EPB41L2: variants seen among roughly 807,000 people sequenced by gnomAD.
EPB41L2 encodes erythrocyte membrane protein band 4.1 like 2.
Under a neutral mutation model 113.0 loss-of-function variants are expected in EPB41L2, and 43 were observed. The ratio of observed to expected loss-of-function variants is 0.38; its 90% CI spans 0.30 to 0.49. EPB41L2 has a LOEUF of 0.49. Among genes scored for constraint, EPB41L2 ranks in the 20% least tolerant of loss-of-function variants. The probability of loss-of-function intolerance (pLI) is 0.95; values close to 1 mark genes in which losing one functional copy is unlikely to be tolerated. For synonymous variants in EPB41L2, 442 were observed against 436.7 expected (o/e 1.01, Z -0.15); for missense variants, 1,147 against 1,223.4 (o/e 0.94, Z 0.93).
chr6:131,039,471 A>C (rs951051660), intron 1 of EPB41L2, among the ~76,000 whole-genome samples: 1 of 152,212 alleles, frequency 6.6e-6, no homozygotes, highest in African/African-American at 2.4e-5. Context: ...ATAGGTAGTA[A>C]AAGATCACAG....
At chr6:130,863,518 G>A (rs745923254) in intron 18 of EPB41L2, 120 bp downstream of exon 18, 2 of 658,754 alleles carry the variant, frequency 3.0e-6, no homozygotes, top group Non-Finnish European at 5.4e-6. Flanking sequence ...TGCTTAGGAG[G>A]TGGACTTCAT....
intron 3 of EPB41L2, among the ~76,000 whole-genome samples, chr6:130,930,128 A>G (rs1325575366): frequency 6.6e-6 from 1 of 152,180 alleles, no homozygotes; most frequent in African/African-American, 2.4e-5. Flanking sequence ...ACCTATTTGT[A>G]TAACAGACAC....
At chr6:131,049,603 TC>T (rs1367132543) in intron 1 of EPB41L2, among the ~76,000 whole-genome samples, 11 of 152,130 alleles carry the variant, frequency 7.2e-5, no homozygotes, top group Non-Finnish European at 1.6e-4. Flanking sequence ...ATAAAAATGG[TC>T]CCCAAAAGCG....
intron 3 of EPB41L2, among the ~76,000 whole-genome samples, chr6:130,943,010 G>A (rs1369358484): frequency 6.6e-6 from 1 of 152,102 alleles, no homozygotes; most frequent in Non-Finnish European, 1.5e-5. Context: ...TGGGCATTTG[G>A]GTTGGTTCCA....
At chr6:130,845,333 C>T (rs1201791620) in intron 19 of EPB41L2, among the ~76,000 whole-genome samples, 1 of 152,084 alleles carries the variant, frequency 6.6e-6, no homozygotes, top group East Asian at 1.9e-4. Flanking sequence ...GGCAGCTCAG[C>T]CTACATAAGT....
intron 11 of EPB41L2, among the ~76,000 whole-genome samples, chr6:130,888,343 C>T (rs2128476628): frequency 6.6e-6 from 1 of 152,218 alleles, no homozygotes; most frequent in South Asian, 2.1e-4. Flanking sequence ...ATTACGGCCT[C>T]CAAAACACAA....
At chr6:131,048,151 A>G (rs866933759) in intron 1 of EPB41L2, among the ~76,000 whole-genome samples, 2 of 134,440 alleles carry the variant, frequency 1.5e-5, no homozygotes, top group African/African-American at 2.6e-5. Context: ...AAAAAAAAAA[A>G]AAAAAAGAAA....
intron 19 of EPB41L2, among the ~76,000 whole-genome samples, chr6:130,853,827 T>C (rs2128414999): frequency 6.6e-6 from 1 of 152,356 alleles, no homozygotes; most frequent in Non-Finnish European, 1.5e-5. Context: ...CCCCTTCTTT[T>C]TTGACATTCC....
rs9321269 is a variant in EPB41L2, at chr6:131,023,739, C to A, written c.-15+39416G>T. On this transcript the variant is annotated intron_variant, in intron 1 of 19. Coordinates refer to ENST00000337057, the MANE Select transcript of EPB41L2 (RefSeq NM_001431.4). ...CGTGTGTGTGTGTGTGTATATATAT[C>A]TATATATCTATATATAGATATATAG... Among the ~76,000 whole-genome samples, 132 of 138,824 alleles carry A rather than the reference C, an allele frequency of 9.5e-4. 2 individuals are homozygous for A. The highest frequency in any genetic ancestry group is 1.8e-3 in the Non-Finnish European group (116 of 63,680). The allele number at this position is 138,824 out of a possible 152,430, so 91.1% of individuals were successfully genotyped here.
At chr6:130,926,753 C>A in intron 3 of EPB41L2, 44 bp from the exon 4 acceptor site, 1 of 1,191,530 alleles carries the variant, frequency 8.4e-7, no homozygotes, top group Non-Finnish European at 1.2e-6. Context: ...ACTAAAGATT[C>A]CAAGACTGCT....
intron 18 of EPB41L2, among the ~76,000 whole-genome samples, chr6:130,862,661 T>A (rs1020861853): frequency 6.6e-6 from 1 of 152,180 alleles, no homozygotes; most frequent in African/African-American, 2.4e-5. Context: ...TAAGAAAATT[T>A]TAAAAGTACA....
Position 130,885,224 on chromosome 6 carries a change from C to T in EPB41L2, c.1705G>A (p.Gly569Ser), listed in dbSNP as rs1790551769. ...MDQSLMKDFP[G>S]AAGEISAYGP... The stretch of plus-strand genomic sequence containing the variant: ...TAGGCTGAAATCTCCCCAGCAGCGC[C>T]AGGAAAATCCTTCATAAGACTTTGG... The change falls in exon 12 of 20, where the codon GGC (glycine) becomes AGC (serine). Residue 569 changes from glycine (G) to serine (S), a missense_variant. Transcript: ENST00000337057. 1 of 1,613,952 alleles carries T rather than the reference C, an allele frequency of 6.2e-7. No individual in the cohort carries two copies. Among genetic ancestry groups the T allele is most frequent in the Non-Finnish European group, 8.5e-7 (1 of 1,180,004 alleles).
intron 8 of EPB41L2, among the ~76,000 whole-genome samples, chr6:130,896,920 A>G (rs1442016761): frequency 1.3e-5 from 2 of 152,140 alleles, no homozygotes; most frequent in Non-Finnish European, 2.9e-5. Context: ...AAGGGAGGTC[A>G]GGGTGTTTAA....
intron 14 of EPB41L2, among the ~76,000 whole-genome samples, chr6:130,874,432 G>C (rs531128821): frequency 6.6e-6 from 1 of 152,088 alleles, no homozygotes; most frequent in Admixed American, 6.5e-5. Flanking sequence ...AGAATTAACA[G>C]TAAAATGAAG....
chr6:130,940,940 T>C (rs1000954681), intron 3 of EPB41L2, among the ~76,000 whole-genome samples: 1 of 152,200 alleles, frequency 6.6e-6, no homozygotes, highest in African/African-American at 2.4e-5. Flanking sequence ...TAAGTGTGTG[T>C]GTGTATAAAC....
intron 1 of EPB41L2, among the ~76,000 whole-genome samples, chr6:131,022,209 C>T (rs1286192360): frequency 5.9e-5 from 9 of 152,060 alleles, no homozygotes; most frequent in Non-Finnish European, 1.2e-4. Flanking sequence ...CAATAGGGTT[C>T]ATGCTCCTAT....
rs139232120 is a variant in EPB41L2 at position 130,908,311 on chromosome 6, T to C, written c.853+510A>G. On this transcript the variant is annotated intron_variant, in intron 5 of 19. Coordinates refer to ENST00000337057, the MANE Select transcript of EPB41L2 (RefSeq NM_001431.4). ...GAGTATGCAAAGTGGCCTTGGATTG[T>C]AGAACCAATGAGCAGAGATGGCAGT... 5.1e-3 allele frequency among the ~76,000 whole-genome samples: 770 copies of C among 152,198 alleles called. 5 individuals carry two copies. Among genetic ancestry groups the C allele is most frequent in the African/African-American group, 0.018 (732 of 41,534 alleles).
chr6:130,878,020 C>A, intron 14 of EPB41L2, 84 bp downstream of exon 14: 1 of 1,360,188 alleles, frequency 7.4e-7, no homozygotes, highest in Non-Finnish European at 9.7e-7. Context: ...TTGTAACTTC[C>A]CTAGACTCAA....
intron 1 of EPB41L2, among the ~76,000 whole-genome samples, chr6:131,032,371 C>T (rs1792347784): frequency 6.6e-6 from 1 of 151,958 alleles, no homozygotes; most frequent in South Asian, 2.1e-4. Flanking sequence ...AAGACAAGTG[C>T]TACATAAACC....
Sources: allele counts gnomAD v4.1 joint callset (sites outside exome capture counted in the v4.1 genomes callset), GRCh38; gene constraint gnomAD v4.1.1; transcripts MANE v1.5; gene names NCBI Gene and HGNC (gene_info 2026-07-23, HGNC 2026-07-21).